NEB: variants seen among roughly 807,000 people sequenced by gnomAD.
NEB encodes nebulin, also known as nemaline myopathy type 2.
In NEB, 512 loss-of-function variants were observed where a neutral mutation model predicts 952.2. That is an observed-to-expected ratio of 0.54 (90% CI 0.50 to 0.58). NEB has a LOEUF of 0.58. Ranked by LOEUF, NEB falls within the 20% of genes least tolerant of loss-of-function variation. The pLI is 0.00. For synonymous variants in NEB, 2,900 were observed against 3,149.8 expected (o/e 0.92, Z 2.66); for missense variants, 8,428 against 9,231.1 (o/e 0.91, Z 3.56).
intron 161 of NEB, 21 bp downstream of exon 161, chr2:151,512,712 T>C: frequency 1.3e-6 from 2 of 1,531,712 alleles, no homozygotes; most frequent in Non-Finnish European, 1.8e-6. Context: ...TTATGAGTGA[T>C]GGCATGACGA....
At chr2:151,618,233 G>A (rs748581626) in intron 74 of NEB, 42 bp downstream of exon 74, 14 of 1,536,292 alleles carry the variant, frequency 9.1e-6, no homozygotes, top group Non-Finnish European at 1.3e-5. Context: ...AAATTGTTCT[G>A]TGGTAACTTT....
chr2:151,637,572 G>A (rs749338317), intron 63 of NEB, among the ~76,000 whole-genome samples: 30 of 152,184 alleles, frequency 2.0e-4, no homozygotes, highest in Non-Finnish European at 3.7e-4. Flanking sequence ...AGGGGGTTGC[G>A]GGCAAAATGG....
At position 151,662,166 on chromosome 2, in the gene NEB, A is replaced by G. The variant is rs375412223; in HGVS notation, c.5939T>C (p.Leu1980Ser). The part of the protein sequence containing the change: ...STLMDSMNMV[L>S]AQNNAKIMNE... ...CATAATTTTTGCATTATTCTGGGCCAAAACCATGTTCATCGAGTCCATGAG... is the reference window on the plus strand; with the variant it reads ...CATAATTTTTGCATTATTCTGGGCCGAAACCATGTTCATCGAGTCCATGAG... Residue 1980 changes from leucine (L) to serine (S), a missense_variant, in exon 46 of 182, where the codon TTG becomes TCG. By Grantham distance (145) the Leu-to-Ser change is moderately radical. Around this residue, in one of 11 missense-constraint regions of NEB, gnomAD observed 2,851 missense variants for 2,791.5 expected, o/e 1.02. Transcript: ENST00000397345. The G allele has an allele frequency of 1.5e-4, 236 of 1,613,378 alleles. 1 individual carries two copies. The South Asian group carries it at 1.6e-3, about 11-fold the overall frequency.
At chr2:151,631,906 C>A (rs920251701) in intron 65 of NEB, among the ~76,000 whole-genome samples, 1 of 152,130 alleles carries the variant, frequency 6.6e-6, no homozygotes, top group African/African-American at 2.4e-5. Context: ...GCGATGTATT[C>A]TTCTATACAT....
At chr2:151,659,034 G>T in intron 47 of NEB, 31 bp downstream of exon 47, 2 of 1,420,448 alleles carry the variant, frequency 1.4e-6, no homozygotes, top group South Asian at 1.1e-5. Context: ...CTGCTGGAGA[G>T]AAAGATGACA....
At chr2:151,621,233 C>T (rs1351397502) in intron 71 of NEB, among the ~76,000 whole-genome samples, 1 of 152,162 alleles carries the variant, frequency 6.6e-6, no homozygotes, top group Non-Finnish European at 1.5e-5. Flanking sequence ...TTTAACATCA[C>T]AACCTCTCTT....
chr2:151,626,834 C>T (rs2098536275), intron 70 of NEB, among the ~76,000 whole-genome samples, 168 bp downstream of exon 70: 1 of 152,198 alleles, frequency 6.6e-6, no homozygotes, highest in South Asian at 2.1e-4. Context: ...GATGTCAAAG[C>T]AGAAATGCTC....
chr2:151,683,546 G>GA (rs897609273), intron 28 of NEB, among the ~76,000 whole-genome samples: 5 of 152,098 alleles, frequency 3.3e-5, no homozygotes, highest in African/African-American at 1.2e-4. Flanking sequence ...TATTTGAGAT[G>GA]AAAAAACATA....
intron 1 of NEB, 142 bp downstream of exon 1, chr2:151,734,256 G>A (rs545775533): frequency 6.6e-6 from 1 of 152,252 alleles, no homozygotes; most frequent in South Asian, 2.1e-4. Flanking sequence ...GCCTTAGTAG[G>A]GCAATGGGGT....
In NEB at chr2:151,644,568, T is replaced by TA; in HGVS notation, c.7543dup (p.Tyr2515LeufsTer6). ...CTTCAGCTCCTCATAACCCATTCGG[T>TA]AGAGTTTCTGTTAAGAAATGAAGAT... On this transcript the variant is annotated frameshift_variant, in exon 56 of 182. Transcript: ENST00000397345. LOFTEE classifies it high-confidence loss of function. 2.5e-6 allele frequency: 4 copies of TA among 1,612,328 alleles called. No homozygotes were observed. The highest frequency in any genetic ancestry group is 3.4e-6 in the Non-Finnish European group (4 of 1,178,416).
chr2:151,517,597 C>T (rs1337316564), intron 156 of NEB, among the ~76,000 whole-genome samples: 1 of 152,140 alleles, frequency 6.6e-6, no homozygotes, highest in Non-Finnish European at 1.5e-5. Context: ...TCACAGAGTA[C>T]ACTTACACAA....
At chr2:151,620,852 G>GAC (rs1397366908) in intron 72 of NEB, 67 bp downstream of exon 72, 4 of 1,221,260 alleles carry the variant, frequency 3.3e-6, no homozygotes. Context: ...TGACCAAAGA[G>GAC]ACATCCAGCT....
chr2:151,679,087 C>G (rs1377365823), intron 32 of NEB, among the ~76,000 whole-genome samples: 2 of 152,152 alleles, frequency 1.3e-5, no homozygotes, highest in Non-Finnish European at 2.9e-5. Flanking sequence ...CAGAGGTAAG[C>G]AGAGAAACAA....
chr2:151,646,723 C>T (rs2098964494), intron 54 of NEB, among the ~76,000 whole-genome samples: 1 of 152,172 alleles, frequency 6.6e-6, no homozygotes, highest in Non-Finnish European at 1.5e-5. Flanking sequence ...AATCATGGCT[C>T]ACTGCAACCT....
intron 61 of NEB, 76 bp downstream of exon 61, chr2:151,640,279 C>CAT: frequency 6.4e-7 from 1 of 1,570,216 alleles, no homozygotes; most frequent in South Asian, 1.2e-5. Flanking sequence ...GAGCTTGTGC[C>CAT]ATATATTGCC....
chr2:151,619,015 G>C (rs746623312), intron 73 of NEB, among the ~76,000 whole-genome samples: 1 of 152,150 alleles, frequency 6.6e-6, no homozygotes. Context: ...TTCGAAAAAC[G>C]TAAGAATGAT....
At chr2:151,704,720 A>G (rs375877485) in intron 13 of NEB, among the ~76,000 whole-genome samples, 1 of 152,232 alleles carries the variant, frequency 6.6e-6, no homozygotes, top group African/African-American at 2.4e-5. Context: ...GCTTCGGCTC[A>G]CGCACAGTGC....
chr2:151,505,074 T>C (rs2067739413), intron 165 of NEB, among the ~76,000 whole-genome samples: 1 of 152,206 alleles, frequency 6.6e-6, no homozygotes, highest in Non-Finnish European at 1.5e-5. Context: ...ACATGTTTTA[T>C]ATATATACAC....
intron 3 of NEB, among the ~76,000 whole-genome samples, chr2:151,731,092 A>G (rs2099806766): frequency 6.6e-6 from 1 of 152,208 alleles, no homozygotes; most frequent in Admixed American, 6.5e-5. Context: ...CAGAAGAAAT[A>G]TTAAAATAAA....
Sources: allele counts gnomAD v4.1 joint callset (sites outside exome capture counted in the v4.1 genomes callset), GRCh38; gene constraint gnomAD v4.1.1; regional missense constraint gnomAD v4.1.1; transcripts MANE v1.5; gene names NCBI Gene and HGNC (gene_info 2026-07-23, HGNC 2026-07-21).